SHANK2: variants seen among roughly 807,000 people sequenced by gnomAD.
SHANK2 encodes the protein SH3 and multiple ankyrin repeat domains 2, also known as SH3 and multiple ankyrin repeat domains protein 2.
SHANK2 carries 43 observed loss-of-function variants against 133.7 expected under a neutral mutation model. The ratio of observed to expected loss-of-function variants is 0.32; its 90% CI spans 0.25 to 0.41. The LOEUF (loss-of-function observed/expected upper bound fraction) is 0.41, where lower values mean the gene tolerates loss of function less well. SHANK2 is among the 10% of genes least tolerant of loss of function. SHANK2 has a pLI of 1.00. For synonymous variants in SHANK2, 1,017 were observed against 952.8 expected, an observed-to-expected ratio of 1.07 and a Z score of -1.24; for missense variants, 1,994 against 2,235.8, an observed-to-expected ratio of 0.89 and a Z score of 2.18.
rs571048984 is a variant in SHANK2 at position 70,845,338 on chromosome 11, TA to T, written c.1175-24657del. Reference sequence around the variant, plus strand: ...GAGAGGACTTTCCACTGGAGTGGATTAGGGGAGACATAATTTCACGCTGAAG... The same window carrying T: ...GAGAGGACTTTCCACTGGAGTGGATTGGGGAGACATAATTTCACGCTGAAG... On this transcript the variant is annotated intron_variant, in intron 11 of 25. Coordinates refer to ENST00000601538, the MANE Select transcript of SHANK2 (RefSeq NM_012309.5). 9.2e-4 allele frequency among the ~76,000 whole-genome samples: 139 copies of T among 151,862 alleles called. 1 individual carries two copies. The highest frequency in any genetic ancestry group is 3.3e-3 in the African/African-American group (135 of 41,386).
At position 70,636,565 on chromosome 11, in the gene SHANK2, ATGTG is replaced by A. The variant is rs10695663; in HGVS notation, c.2061+23259_2061+23262del. Among the ~76,000 whole-genome samples, 74 of 147,176 alleles carry A rather than the reference ATGTG, an allele frequency of 5.0e-4. No homozygotes were observed. In the East Asian group the frequency reaches 0.014, roughly 27 times the overall value. ...TGTGAATGCGTGTTAGTACATGTGC[ATGTG>A]TGTGTATGAATGTGAGTCTGTGTGA... On this transcript the variant is annotated intron_variant, in intron 17 of 25. Coordinates refer to ENST00000601538, the MANE Select transcript of SHANK2 (RefSeq NM_012309.5).
intron 17 of SHANK2, among the ~76,000 whole-genome samples, chr11:70,581,298 C>T (rs1312237078): frequency 6.6e-6 from 1 of 152,208 alleles, no homozygotes; most frequent in African/African-American, 2.4e-5. Flanking sequence ...ATCTTCCTAT[C>T]TGAATGGTAT....
intron 17 of SHANK2, among the ~76,000 whole-genome samples, chr11:70,523,540 G>A (rs528489844): frequency 6.6e-6 from 1 of 152,242 alleles, no homozygotes; most frequent in East Asian, 1.9e-4. Flanking sequence ...TGCTGGGGAG[G>A]ATCCCCGGTG....
intron 2 of SHANK2, among the ~76,000 whole-genome samples, chr11:71,157,137 CACAT>C (rs1952922164): frequency 6.6e-6 from 1 of 152,104 alleles, no homozygotes; most frequent in South Asian, 2.1e-4. Context: ...TATATACACA[CACAT>C]ATATATAAAG....
chr11:70,645,470 G>A (rs782107249), intron 17 of SHANK2, among the ~76,000 whole-genome samples: 1 of 152,218 alleles, frequency 6.6e-6, no homozygotes, highest in East Asian at 1.9e-4. Context: ...GTAATCAGAA[G>A]GCTCATCGAA....
In SHANK2 at chr11:71,230,952, A is replaced by G. The variant is rs1454566368; in HGVS notation, c.-112-6156T>C. On this transcript the variant is annotated intron_variant, in intron 1 of 25. Transcript: ENST00000601538. Reference sequence around the variant, plus strand: ...TGAATCATGAACTTACATGTAAAATACAAAACTACAACTCTTAGAAAAAAT... The same window carrying G: ...TGAATCATGAACTTACATGTAAAATGCAAAACTACAACTCTTAGAAAAAAT... 3.3e-5 allele frequency among the ~76,000 whole-genome samples: 5 copies of G among 152,382 alleles called. No individual in the cohort carries two copies. In the East Asian group the frequency reaches 7.7e-4, roughly 23 times the overall value.
chr11:70,785,151 C>A (rs369242119), intron 14 of SHANK2, among the ~76,000 whole-genome samples: 1 of 152,154 alleles, frequency 6.6e-6, no homozygotes, highest in South Asian at 2.1e-4. Context: ...TCCGGGAGGA[C>A]CCAGGCTATG....
chr11:70,630,940 C>T (rs1485043620), intron 17 of SHANK2, among the ~76,000 whole-genome samples: 2 of 152,172 alleles, frequency 1.3e-5, no homozygotes, highest in Admixed American at 6.5e-5. Flanking sequence ...GTGGTCCCTC[C>T]CTCCGGCGCC....
intron 14 of SHANK2, among the ~76,000 whole-genome samples, chr11:70,793,816 T>C (rs1266368151): frequency 6.6e-6 from 1 of 152,210 alleles, no homozygotes; most frequent in African/African-American, 2.4e-5. Context: ...CCAGCAGTTT[T>C]CTACCTAGAG....
chr11:71,083,979 T>TC (rs1555092236), intron 8 of SHANK2, among the ~76,000 whole-genome samples: 2 of 147,706 alleles, frequency 1.4e-5, no homozygotes, highest in Non-Finnish European at 3.0e-5. Flanking sequence ...AACTTTTTTT[T>TC]GGGGGGGGGA....
At chr11:70,901,913 G>C (rs2135685958) in intron 10 of SHANK2, among the ~76,000 whole-genome samples, 1 of 152,358 alleles carries the variant, frequency 6.6e-6, no homozygotes, top group Middle Eastern at 3.4e-3. Flanking sequence ...GGTAAGTCAT[G>C]GGAGGAATCC....
chr11:70,542,640 C>T (rs572846847), intron 17 of SHANK2, among the ~76,000 whole-genome samples: 2 of 152,320 alleles, frequency 1.3e-5, no homozygotes, highest in South Asian at 2.1e-4. Context: ...CTCTAACCAT[C>T]AGGTCCTTCC....
intron 6 of SHANK2, among the ~76,000 whole-genome samples, chr11:71,099,268 G>T (rs1951678066): frequency 6.6e-6 from 1 of 152,090 alleles, no homozygotes; most frequent in Non-Finnish European, 1.5e-5. Context: ...GCAGGTAAAT[G>T]CTTATGAGAG....
At chr11:70,661,517 AC>A in intron 16 of SHANK2, 78 bp downstream of exon 16, 1 of 265,628 alleles carries the variant, frequency 3.8e-6, no homozygotes, top group Non-Finnish European at 7.8e-6. Context: ...ACACACACAC[AC>A]ACACACACAC....
intron 17 of SHANK2, among the ~76,000 whole-genome samples, chr11:70,659,335 C>G (rs902606246): frequency 6.6e-6 from 1 of 152,182 alleles, no homozygotes; most frequent in African/African-American, 2.4e-5. Context: ...CTTGGAAGGC[C>G]ATCGTCCATC....
At chr11:71,201,172 G>A (rs969980594) in intron 2 of SHANK2, among the ~76,000 whole-genome samples, 3 of 152,170 alleles carry the variant, frequency 2.0e-5, no homozygotes, top group Non-Finnish European at 4.4e-5. Context: ...CAGATGACAT[G>A]CATTCATTTC....
chr11:70,583,353 T>C (rs2060208241), intron 17 of SHANK2, among the ~76,000 whole-genome samples: 1 of 151,986 alleles, frequency 6.6e-6, no homozygotes, highest in East Asian at 1.9e-4. Flanking sequence ...AGCCAGAAGA[T>C]CCAGCCGCAG....
chr11:71,147,742 T>C lies in SHANK2; in HGVS notation c.-12-404A>G, dbSNP rs140649769. Reference sequence around the variant, plus strand: ...GAAAAAAGGCTGCCTTTTGTTTTCCTTGGAGGACAGAGCTTCAGGAGAGGA... The same window carrying C: ...GAAAAAAGGCTGCCTTTTGTTTTCCCTGGAGGACAGAGCTTCAGGAGAGGA... On this transcript the variant is annotated intron_variant, in intron 2 of 25. Coordinates refer to ENST00000601538, the MANE Select transcript of SHANK2 (RefSeq NM_012309.5). 4.4e-3 allele frequency among the ~76,000 whole-genome samples: 674 copies of C among 152,334 alleles called. 5 individuals carry two copies. The highest frequency in any genetic ancestry group is 6.8e-3 in the Middle Eastern group (2 of 294).
chr11:71,055,959 G>A (rs1358326060), intron 10 of SHANK2, among the ~76,000 whole-genome samples: 2 of 151,962 alleles, frequency 1.3e-5, no homozygotes, highest in East Asian at 3.9e-4. Flanking sequence ...TAAATGTGAT[G>A]CTATATGTAT....
Sources: allele counts gnomAD v4.1 joint callset (sites outside exome capture counted in the v4.1 genomes callset), GRCh38; gene constraint gnomAD v4.1.1; transcripts MANE v1.5; gene names NCBI Gene and HGNC (gene_info 2026-07-23, HGNC 2026-07-21).